PFDN4: variants seen among roughly 807,000 people sequenced by gnomAD.
PFDN4 encodes prefoldin subunit 4.
Under a neutral mutation model 17.6 loss-of-function variants are expected in PFDN4, and 6 were observed. That is an observed-to-expected ratio of 0.34 (90% CI 0.19 to 0.67). The LOEUF (loss-of-function observed/expected upper bound fraction) is 0.67, where lower values mean the gene tolerates loss of function less well. Among genes scored for constraint, PFDN4 ranks in the 30% least tolerant of loss-of-function variants. The pLI is 0.68. For missense variants in PFDN4, 119 were observed against 158.4 expected (o/e 0.75, Z 1.33); for synonymous variants, 48 against 51.1 (o/e 0.94, Z 0.26).
rs188343566 is a variant in PFDN4, at chr20:54,214,545, C to A, written c.132+87C>A. 81 of 625,056 alleles carry A rather than the reference C, an allele frequency of 1.3e-4. No homozygotes were observed. The African/African-American group carries it at 1.4e-3, about 11-fold the overall frequency. The allele number at this position is 625,056 out of a possible 1,614,324, so 38.7% of individuals were successfully genotyped here. On this transcript the variant is annotated intron_variant, in intron 2 of 3. Transcript: ENST00000371419. ...TCAGTTAACAAGTGAATATATATTT[C>A]TCTGGGCTGTTTGTTGCAGATGAAT...
At chr20:54,217,319 CAT>C (rs1319854956) in intron 3 of PFDN4, among the ~76,000 whole-genome samples, 1 of 152,036 alleles carries the variant, frequency 6.6e-6, no homozygotes. Context: ...TGAGAAGCAA[CAT>C]GTGTGAACGG....
At chr20:54,218,159 A>G (rs967721271) in intron 3 of PFDN4, among the ~76,000 whole-genome samples, 8 of 146,326 alleles carry the variant, frequency 5.5e-5, no homozygotes, top group African/African-American at 1.8e-4. Context: ...GATCCTAGCC[A>G]GGAAGGAACT....
Position 54,219,845 on chromosome 20 carries a change from T to C in PFDN4, c.*695T>C, listed in dbSNP as rs1281042116. 7 of 397,304 alleles carry C rather than the reference T, an allele frequency of 1.8e-5. No homozygotes were observed. In the Admixed American group the frequency reaches 1.8e-4, roughly 10 times the overall value. 24.6% of individuals were successfully genotyped at this position (397,304 alleles called of 1,614,324 possible). On this transcript the variant is annotated 3_prime_UTR_variant, in exon 4 of 4. Coordinates refer to ENST00000371419, the MANE Select transcript of PFDN4 (RefSeq NM_002623.4). ...TCGTTTTAAATTTTAGATTTTATTT[T>C]AGTGCTTTGTAATTAATTGGGGTTT...
rs894870590 is a variant in PFDN4 at position 54,219,516 on chromosome 20, A to G, written c.*366A>G. 1.0e-5 allele frequency: 4 copies of G among 390,052 alleles called. No homozygotes were observed. The highest frequency in any genetic ancestry group is 4.4e-5 in the Admixed American group (1 of 22,566). The allele number at this position is 390,052 out of a possible 1,614,324, so 24.2% of individuals were successfully genotyped here. A position where few individuals can be genotyped will look rare whatever the true frequency, so the allele number is the denominator to read the frequency against. On this transcript the variant is annotated 3_prime_UTR_variant, in exon 4 of 4. Coordinates refer to ENST00000371419, the MANE Select transcript of PFDN4 (RefSeq NM_002623.4). ...TTCTGTCTGATTTTAATTGCTGTCT[A>G]ATGACGGGGAAAGCACGATGAAAAG...
At chr20:54,214,593 C>T in intron 2 of PFDN4, 135 bp downstream of exon 2, 1 of 517,036 alleles carries the variant, frequency 1.9e-6, no homozygotes, top group Admixed American at 3.7e-5. Flanking sequence ...TCTAGTTAAG[C>T]AGAAAGTCAT....
chr20:54,217,876 C>T (rs1353961850), intron 3 of PFDN4, among the ~76,000 whole-genome samples: 1 of 152,154 alleles, frequency 6.6e-6, no homozygotes, highest in African/African-American at 2.4e-5. Flanking sequence ...ACAGTCACCA[C>T]AGGGCTTGTT....
At chr20:54,218,538 A>G (rs372997539) in intron 3 of PFDN4, among the ~76,000 whole-genome samples, 1 of 152,260 alleles carries the variant, frequency 6.6e-6, no homozygotes, top group East Asian at 1.9e-4. Context: ...ACTCTTTTCC[A>G]AAGTTTAGCT....
intron 3 of PFDN4, among the ~76,000 whole-genome samples, chr20:54,218,728 C>A (rs1177800858): frequency 1.3e-5 from 2 of 152,106 alleles, no homozygotes; most frequent in Non-Finnish European, 2.9e-5. Context: ...TTATAGAAGT[C>A]TTTGTATTTG....
intron 3 of PFDN4, among the ~76,000 whole-genome samples, chr20:54,215,871 T>A (rs2092761789): frequency 6.6e-6 from 1 of 152,256 alleles, no homozygotes; most frequent in Non-Finnish European, 1.5e-5. Context: ...GCTTCCCAGT[T>A]GGGACAATTA....
chr20:54,208,262 G>A (rs1012448314), intron 1 of PFDN4, 138 bp downstream of exon 1: 2 of 764,040 alleles, frequency 2.6e-6, no homozygotes, highest in Non-Finnish European at 1.9e-6. Flanking sequence ...CCCTGAGAGC[G>A]GTCCCGCGGC....
intron 1 of PFDN4, among the ~76,000 whole-genome samples, chr20:54,210,659 G>T (rs1328994435): frequency 1.3e-5 from 2 of 152,112 alleles, no homozygotes; most frequent in East Asian, 3.8e-4. Flanking sequence ...CCTTTCCTCA[G>T]AGAGGCTACC....
At chr20:54,212,922 G>A (rs1318367650) in intron 1 of PFDN4, among the ~76,000 whole-genome samples, 1 of 152,258 alleles carries the variant, frequency 6.6e-6, no homozygotes, top group African/African-American at 2.4e-5. Flanking sequence ...ATAGTGTGAT[G>A]TAAAGGATTT....
At chr20:54,215,561 G>A (rs1251121157) in intron 3 of PFDN4, 121 bp downstream of exon 3, 1 of 621,246 alleles carries the variant, frequency 1.6e-6, no homozygotes, top group South Asian at 3.1e-5. Flanking sequence ...TTATGTCCCA[G>A]GCATGCTCCG....
chr20:54,210,465 A>G (rs2092754293), intron 1 of PFDN4, among the ~76,000 whole-genome samples: 1 of 152,216 alleles, frequency 6.6e-6, no homozygotes. Flanking sequence ...CAAATCGTAC[A>G]ATCTGGAGTA....
chr20:54,216,477 T>C (rs1027000786), intron 3 of PFDN4, among the ~76,000 whole-genome samples: 1 of 152,208 alleles, frequency 6.6e-6, no homozygotes, highest in Non-Finnish European at 1.5e-5. Context: ...GTCTCCCTTA[T>C]GTTTAAATCT....
In PFDN4 at chr20:54,210,559, C is replaced by A. The variant is rs77734756; in HGVS notation, c.24+2435C>A. ...TTTAGATGAGATGATTCAGTCCTCT[C>A]CTCTCTAGAGTTCTGCCTTCTAAGA... On this transcript the variant is annotated intron_variant, in intron 1 of 3. Coordinates refer to ENST00000371419, the MANE Select transcript of PFDN4 (RefSeq NM_002623.4). Among the ~76,000 whole-genome samples, 665 of 152,270 alleles carry A rather than the reference C, an allele frequency of 4.4e-3. 8 individuals are homozygous for A. Among genetic ancestry groups the A allele is most frequent in the African/African-American group, 0.015 (636 of 41,540 alleles).
At chr20:54,211,457 C>T (rs1242803689) in intron 1 of PFDN4, among the ~76,000 whole-genome samples, 1 of 152,192 alleles carries the variant, frequency 6.6e-6, no homozygotes, top group Non-Finnish European at 1.5e-5. Context: ...ATGTAAAATG[C>T]TTAGCTATCA....
At chr20:54,212,316 A>G (rs1172042303) in intron 1 of PFDN4, among the ~76,000 whole-genome samples, 1 of 152,180 alleles carries the variant, frequency 6.6e-6, no homozygotes, top group Non-Finnish European at 1.5e-5. Context: ...CTGACATCTT[A>G]CTGTCTGCTG....
chr20:54,208,953 C>G (rs1304484196), intron 1 of PFDN4: 3 of 152,134 alleles, frequency 2.0e-5, no homozygotes, highest in Admixed American at 1.3e-4. Context: ...CCTGTGTAAC[C>G]ACTAAGCCGG....
Sources: gnomAD v4.1 joint callset for allele counts (sites outside exome capture counted in the v4.1 genomes callset) on GRCh38, gnomAD v4.1.1 for gene constraint, MANE v1.5 for transcripts, NCBI Gene and HGNC (gene_info 2026-07-23, HGNC 2026-07-21) for gene names.